Variants in LDAH observed in about 807,000 individuals in gnomAD.
LDAH encodes lipid droplet associated hydrolase, also known as lipid droplet-associated hydrolase.
LDAH carries 26 observed loss-of-function variants against 29.6 expected under a neutral mutation model. That is an observed-to-expected ratio of 0.88 (90% CI 0.64 to 1.22). LDAH has a LOEUF of 1.22. Among genes scored for constraint, LDAH ranks in the 50% most tolerant of loss-of-function variants. LDAH has a pLI of 0.00. For synonymous variants in LDAH, 117 were observed against 133.0 expected, an observed-to-expected ratio of 0.88 and a Z score of 0.83; for missense variants, 344 against 387.3, an observed-to-expected ratio of 0.89 and a Z score of 0.94.
chr2:20,691,870 G>T (rs577878330), intron 6 of LDAH, among the ~76,000 whole-genome samples: 1 of 152,238 alleles, frequency 6.6e-6, no homozygotes, highest in East Asian at 1.9e-4. Flanking sequence ...TGGATTTATG[G>T]TTACTATGGT....
chr2:20,774,773 G>C, intron 4 of LDAH, 37 bp downstream of exon 4: 2 of 1,601,052 alleles, frequency 1.2e-6, no homozygotes, highest in Non-Finnish European at 1.7e-6. Context: ...CAGGCACACA[G>C]TCCAGCACCC....
At chr2:20,818,749 A>G (rs1365172301) in intron 1 of LDAH, among the ~76,000 whole-genome samples, 2 of 152,126 alleles carry the variant, frequency 1.3e-5, no homozygotes, top group African/African-American at 4.8e-5. Flanking sequence ...ACCTATTCCA[A>G]TATTTCCCAG....
intron 2 of LDAH, among the ~76,000 whole-genome samples, chr2:20,795,221 A>G (rs1243562406): frequency 1.3e-5 from 2 of 152,216 alleles, no homozygotes; most frequent in African/African-American, 4.8e-5. Flanking sequence ...GATCATCTCT[A>G]GGCCCTGACT....
chr2:20,814,756 T>TA (rs1672738248), intron 1 of LDAH, among the ~76,000 whole-genome samples: 1 of 152,192 alleles, frequency 6.6e-6, no homozygotes, highest in African/African-American at 2.4e-5. Context: ...TTTCATTTCA[T>TA]CTTCATTCCT....
At chr2:20,761,176 C>T (rs1668662798) in intron 4 of LDAH, among the ~76,000 whole-genome samples, 1 of 152,090 alleles carries the variant, frequency 6.6e-6, no homozygotes, top group South Asian at 2.1e-4. Context: ...AAGGTCAATG[C>T]AGTGGTTAAT....
intron 5 of LDAH, among the ~76,000 whole-genome samples, chr2:20,715,278 A>G (rs940544671): frequency 1.2e-4 from 19 of 152,170 alleles, no homozygotes; most frequent in African/African-American, 4.3e-4. Flanking sequence ...AACGACAAAA[A>G]CCACATGATT....
At chr2:20,797,679 A>AATGG (rs1474703946) in intron 2 of LDAH, among the ~76,000 whole-genome samples, 3 of 152,154 alleles carry the variant, frequency 2.0e-5, no homozygotes, top group Non-Finnish European at 2.9e-5. Context: ...CTTAAACATG[A>AATGG]ATGGATAGTC....
chr2:20,762,732 G>A (rs960174157), intron 4 of LDAH, among the ~76,000 whole-genome samples: 6 of 152,158 alleles, frequency 3.9e-5, no homozygotes, highest in African/African-American at 1.4e-4. Flanking sequence ...TTGAGAACTT[G>A]CTGTCCTTTT....
intron 4 of LDAH, among the ~76,000 whole-genome samples, chr2:20,742,161 C>T (rs1349715619): frequency 6.6e-6 from 1 of 152,156 alleles, no homozygotes; most frequent in African/African-American, 2.4e-5. Context: ...GGTCTGAGAG[C>T]AGGCATTATA....
chr2:20,758,084 G>A (rs560635432), intron 4 of LDAH, among the ~76,000 whole-genome samples: 62 of 152,156 alleles, frequency 4.1e-4, no homozygotes, highest in African/African-American at 1.3e-3. Flanking sequence ...ACAAGCATAC[G>A]GATAGACAAG....
intron 6 of LDAH, among the ~76,000 whole-genome samples, chr2:20,688,816 C>T (rs992105503): frequency 1.2e-4 from 17 of 141,048 alleles, no homozygotes; most frequent in African/African-American, 4.5e-4. Flanking sequence ...TGAATTGCTT[C>T]ATGGAGGTTT....
At chr2:20,704,900 C>A (rs958935840) in intron 5 of LDAH, among the ~76,000 whole-genome samples, 23 of 152,188 alleles carry the variant, frequency 1.5e-4, no homozygotes, top group African/African-American at 5.3e-4. Context: ...CTGTCCCTCC[C>A]CCCACAGAGC....
intron 3 of LDAH, among the ~76,000 whole-genome samples, chr2:20,787,451 G>A (rs545777558): frequency 3.3e-5 from 5 of 152,052 alleles, no homozygotes; most frequent in Non-Finnish European, 7.4e-5. Flanking sequence ...GCACCACCAC[G>A]CCTGGCTAAT....
intron 1 of LDAH, among the ~76,000 whole-genome samples, chr2:20,807,515 T>C (rs998498675): frequency 2.0e-5 from 3 of 152,102 alleles, no homozygotes; most frequent in African/African-American, 7.2e-5. Context: ...TGTGTATATA[T>C]CAGAAATGAG....
Position 20,684,912 on chromosome 2 carries a change from T to C in LDAH, c.*1991A>G. On this transcript the variant is annotated 3_prime_UTR_variant, in exon 7 of 7. Transcript: ENST00000237822. ...GAATGAACTTCAGTCTCTTGAAATC[T>C]GATTCTTCCACCTATGAAAAAAGCA... is the stretch of plus-strand genomic sequence containing the variant. 1 of 1,550,020 alleles carries C rather than the reference T, an allele frequency of 6.5e-7. No homozygotes were observed. The highest frequency in any genetic ancestry group is 8.7e-7 in the Non-Finnish European group (1 of 1,146,752).
At chr2:20,720,102 C>T (rs1314383369) in intron 5 of LDAH, among the ~76,000 whole-genome samples, 2 of 151,992 alleles carry the variant, frequency 1.3e-5, no homozygotes, top group Non-Finnish European at 2.9e-5. Flanking sequence ...TATTAGAAGT[C>T]CTAGATAGAG....
At chr2:20,744,439 C>T (rs551587885) in intron 4 of LDAH, among the ~76,000 whole-genome samples, 2 of 152,046 alleles carry the variant, frequency 1.3e-5, no homozygotes, top group Non-Finnish European at 2.9e-5. Flanking sequence ...CTAAGTGTTT[C>T]CTCAGTATTC....
intron 4 of LDAH, 87 bp downstream of exon 4, chr2:20,774,723 A>C: frequency 7.5e-7 from 1 of 1,330,356 alleles, no homozygotes; most frequent in South Asian, 1.3e-5. Context: ...TCAACTGAAC[A>C]AGAGACAAAA....
At chr2:20,800,080 A>G (rs1269468573) in intron 2 of LDAH, among the ~76,000 whole-genome samples, 1 of 152,244 alleles carries the variant, frequency 6.6e-6, no homozygotes, top group African/African-American at 2.4e-5. Context: ...GAAGAAAAGT[A>G]GATCCCTTCC....
Sources: allele counts gnomAD v4.1 joint callset (sites outside exome capture counted in the v4.1 genomes callset), GRCh38; gene constraint gnomAD v4.1.1; transcripts MANE v1.5; gene names NCBI Gene and HGNC (gene_info 2026-07-23, HGNC 2026-07-21).